SDCBP: variants seen among roughly 807,000 people sequenced by gnomAD.
The protein encoded by SDCBP is syndecan binding protein, also known as syntenin-1.
SDCBP carries 22 observed loss-of-function variants against 30.5 expected under a neutral mutation model. That is an observed-to-expected ratio of 0.72 (90% CI 0.52 to 1.03). The LOEUF (loss-of-function observed/expected upper bound fraction) is 1.03, where lower values mean the gene tolerates loss of function less well. Ranked by LOEUF, SDCBP falls within the 50% of genes least tolerant of loss-of-function variation. SDCBP has a pLI of 0.00. For synonymous variants in SDCBP, 103 were observed against 118.7 expected, an observed-to-expected ratio of 0.87 and a Z score of 0.86; for missense variants, 304 against 369.9, an observed-to-expected ratio of 0.82 and a Z score of 1.46.
Position 58,579,809 on chromosome 8 carries a change from T to C in SDCBP, c.750+15T>C, listed in dbSNP as rs1563517056. On this transcript the variant is annotated intron_variant, in intron 7 of 8. Coordinates refer to ENST00000260130, the MANE Select transcript of SDCBP (RefSeq NM_005625.4). ...TTGGATTGAAGGTAAGGAACAGACT[T>C]TGTGCCATGTTCTGCTGCAGTTTTA... The C allele has an allele frequency of 3.2e-6, 5 of 1,566,868 alleles. 1 individual carries two copies. In the South Asian group the frequency reaches 5.9e-5, roughly 18 times the overall value.
intron 1 of SDCBP, among the ~76,000 whole-genome samples, chr8:58,557,158 A>AATAT (rs1247722369): frequency 3.2e-5 from 4 of 126,516 alleles, no homozygotes; most frequent in Non-Finnish European, 6.2e-5. Flanking sequence ...TATAATATAT[A>AATAT]ATTATAATGT....
chr8:58,567,577 T>G lies in SDCBP; in HGVS notation c.51+2493T>G, dbSNP rs568848848. On this transcript the variant is annotated intron_variant, in intron 2 of 8. Transcript: ENST00000260130. The stretch of plus-strand genomic sequence containing the variant: ...CTGTTGGTGTTATATGTTCTGTGGA[T>G]TTTGACAAATGTATAGTGACGTGTA... Among the ~76,000 whole-genome samples the G allele has an allele frequency of 2.6e-5, 4 of 152,332 alleles. No homozygotes were observed. In the East Asian group the frequency reaches 7.7e-4, roughly 29 times the overall value.
At chr8:58,553,600 C>A (rs1048254425) in intron 1 of SDCBP, among the ~76,000 whole-genome samples, 1 of 151,854 alleles carries the variant, frequency 6.6e-6, no homozygotes, top group Non-Finnish European at 1.5e-5. Context: ...TGGCAGAGCC[C>A]GGAGGCCCGG....
At chr8:58,559,720 C>T (rs1804335327) in intron 1 of SDCBP, among the ~76,000 whole-genome samples, 1 of 152,224 alleles carries the variant, frequency 6.6e-6, no homozygotes, top group African/African-American at 2.4e-5. Context: ...TATGCTTCTT[C>T]TCCCCACAGA....
Position 58,570,959 on chromosome 8 carries a change from G to C in SDCBP, c.124G>C (p.Asp42His). ...AGAAGCTTCTGCTCCTATCCCTCACGATGGAAGTAGGTTTATACTTTGAGT... is the reference window on the plus strand; with the variant it reads ...AGAAGCTTCTGCTCCTATCCCTCACCATGGAAGTAGGTTTATACTTTGAGT... ...LSEASAPIPH[D>H]GNLYPRLYPE... The change falls in exon 3 of 9, where the codon GAT becomes CAT. Residue 42 changes from aspartate to histidine, a missense_variant. By Grantham distance (81) the Asp-to-His change is moderately conservative. Coordinates refer to ENST00000260130, the MANE Select transcript of SDCBP (RefSeq NM_005625.4). The C allele has an allele frequency of 6.2e-7, 1 of 1,607,034 alleles. No homozygotes were observed. Among genetic ancestry groups the C allele is most frequent in the Non-Finnish European group, 8.5e-7 (1 of 1,173,914 alleles).
At chr8:58,576,098 T>C in intron 5 of SDCBP, 37 bp downstream of exon 5, 1 of 1,439,632 alleles carries the variant, frequency 6.9e-7, no homozygotes, top group Non-Finnish European at 9.7e-7. Context: ...TTTGTCTAAA[T>C]CTCTTACATA....
At chr8:58,571,059 C>A in intron 3 of SDCBP, 94 bp downstream of exon 3, 2 of 884,734 alleles carry the variant, frequency 2.3e-6, no homozygotes, top group Non-Finnish European at 3.5e-6. Flanking sequence ...TTTGGACAGG[C>A]TGCATAAAAT....
chr8:58,556,996 C>T (rs1804157385), intron 1 of SDCBP, among the ~76,000 whole-genome samples: 1 of 134,032 alleles, frequency 7.5e-6, no homozygotes, highest in Admixed American at 7.7e-5. Context: ...TATTGTATAT[C>T]ATACTATTAT....
chr8:58,565,026 C>T lies in SDCBP; in HGVS notation c.-8C>T. ...CTTTCTTTTTTTCTTTAGAAGAATC[C>T]TGCAAAAATGTCTCTCTATCCATCT... On this transcript the variant is annotated 5_prime_UTR_variant, in exon 2 of 9. Coordinates refer to ENST00000260130, the MANE Select transcript of SDCBP (RefSeq NM_005625.4). 4 of 1,578,764 alleles carry T rather than the reference C, an allele frequency of 2.5e-6. No homozygotes were observed.
In SDCBP at chr8:58,553,266, C is replaced by T. The variant is rs994260024; in HGVS notation, c.-53C>T. 1 of 154,008 alleles carries T rather than the reference C, an allele frequency of 6.5e-6. No individual in the cohort carries two copies. The highest frequency in any genetic ancestry group is 1.9e-4 in the East Asian group (1 of 5,232). 9.5% of individuals were successfully genotyped at this position (154,008 alleles called of 1,614,324 possible). A position where few individuals can be genotyped will look rare whatever the true frequency, so the allele number is the denominator to read the frequency against. On this transcript the variant is annotated 5_prime_UTR_variant, in exon 1 of 9. Transcript: ENST00000260130. Reference sequence around the variant, plus strand: ...GGGCCTCAGAAGTCCGTGCCAGTGACCGGAGGCGGCGGCGGCGAGCGGTTC... The same window carrying T: ...GGGCCTCAGAAGTCCGTGCCAGTGATCGGAGGCGGCGGCGGCGAGCGGTTC...
At chr8:58,576,717 G>A (rs751882246) in intron 5 of SDCBP, among the ~76,000 whole-genome samples, 6 of 152,206 alleles carry the variant, frequency 3.9e-5, no homozygotes, top group Non-Finnish European at 8.8e-5. Context: ...GTTACTCTCT[G>A]AGGAACCATT....
chr8:58,562,134 A>G (rs1045063542), intron 1 of SDCBP, among the ~76,000 whole-genome samples: 3 of 152,092 alleles, frequency 2.0e-5, no homozygotes, highest in Non-Finnish European at 4.4e-5. Flanking sequence ...AGGACAAAAA[A>G]GTTTCAAGAT....
rs1180876860 is a variant in SDCBP at position 58,560,912 on chromosome 8, A to G, written c.-15-4107A>G. On this transcript the variant is annotated intron_variant, in intron 1 of 8. Coordinates refer to ENST00000260130, the MANE Select transcript of SDCBP (RefSeq NM_005625.4). ...GTCAAAATATCCAGGAACCTACTTT[A>G]AGGAAACACAGATATCTTCATTATC... is the stretch of plus-strand genomic sequence containing the variant. 7 of 152,228 alleles carry G rather than the reference A, an allele frequency of 4.6e-5. No homozygotes were observed. In the East Asian group the frequency reaches 1.3e-3, roughly 29 times the overall value. The allele number at this position is 152,228 out of a possible 1,614,324, so 9.4% of individuals were successfully genotyped here. A position where few individuals can be genotyped will look rare whatever the true frequency, so the allele number is the denominator to read the frequency against.
At chr8:58,573,028 G>A (rs1018831817) in intron 4 of SDCBP, among the ~76,000 whole-genome samples, 8 of 151,842 alleles carry the variant, frequency 5.3e-5, no homozygotes, top group African/African-American at 1.7e-4. Flanking sequence ...CGCTGGTCTC[G>A]AACACCTGAC....
chr8:58,572,215 C>CAGACT lies in SDCBP; in HGVS notation c.142_146dup (p.Tyr50AspfsTer12). ...TCATTTACTTTTTAGATCTCTATCC[C>CAGACT]AGACTGTATCCAGAGCTCTCTCAAT... On this transcript the variant is annotated frameshift_variant, in exon 4 of 9. Coordinates refer to ENST00000260130, the MANE Select transcript of SDCBP (RefSeq NM_005625.4). LOFTEE classifies it high-confidence loss of function. The CAGACT allele has an allele frequency of 6.3e-7, 1 of 1,599,930 alleles. No homozygotes were observed. Among genetic ancestry groups the CAGACT allele is most frequent in the Non-Finnish European group, 8.6e-7 (1 of 1,168,904 alleles).
In SDCBP at chr8:58,554,758, A is replaced by T. The variant is rs143385756; in HGVS notation, c.-16+1455A>T. On this transcript the variant is annotated intron_variant, in intron 1 of 8. Coordinates refer to ENST00000260130, the MANE Select transcript of SDCBP (RefSeq NM_005625.4). ...TTTTATAGGTATTAAATGCCAAGAG[A>T]TTCTAAAAAAGAAAAGCGCCCCCAA... 4.6e-3 allele frequency among the ~76,000 whole-genome samples: 695 copies of T among 152,296 alleles called. 6 individuals carry two copies. Among genetic ancestry groups the T allele is most frequent in the African/African-American group, 0.016 (660 of 41,566 alleles).
At chr8:58,566,367 T>C (rs1035636551) in intron 2 of SDCBP, among the ~76,000 whole-genome samples, 1 of 152,220 alleles carries the variant, frequency 6.6e-6, no homozygotes, top group Non-Finnish European at 1.5e-5. Flanking sequence ...TGGAATTGAA[T>C]GTAAATTCAC....
At chr8:58,580,756 AG>A in intron 8 of SDCBP, 148 bp downstream of exon 8, 1 of 601,460 alleles carries the variant, frequency 1.7e-6, no homozygotes, top group Non-Finnish European at 2.9e-6. Flanking sequence ...TTTAAATCAG[AG>A]GGTTGGTAAG....
chr8:58,575,731 TTAG>T (rs1365064954), intron 4 of SDCBP, among the ~76,000 whole-genome samples, 166 bp from the exon 5 acceptor site: 2 of 152,190 alleles, frequency 1.3e-5, no homozygotes, highest in Non-Finnish European at 2.9e-5. Context: ...TAGTGAAGAA[TTAG>T]TAGTAGAGCC....
Sources: allele counts gnomAD v4.1 joint callset (sites outside exome capture counted in the v4.1 genomes callset), GRCh38; gene constraint gnomAD v4.1.1; transcripts MANE v1.5; gene names NCBI Gene and HGNC (gene_info 2026-07-23, HGNC 2026-07-21).